PPP1R9A: variants seen among roughly 807,000 people sequenced by gnomAD.
PPP1R9A encodes neurabin-1.
PPP1R9A carries 59 observed loss-of-function variants against 141.9 expected under a neutral mutation model. That is an observed-to-expected ratio of 0.42 (90% CI 0.34 to 0.52). PPP1R9A has a LOEUF of 0.52. PPP1R9A is among the 20% of genes least tolerant of loss of function. The pLI, the probability that PPP1R9A is intolerant of heterozygous loss-of-function variation, is 0.10. For synonymous variants in PPP1R9A, 500 were observed against 569.7 expected (o/e 0.88, Z 1.74); for missense variants, 1,444 against 1,611.9 (o/e 0.90, Z 1.78).
At chr7:95,163,185 G>T (rs552123040) in intron 5 of PPP1R9A, among the ~76,000 whole-genome samples, 41 of 152,292 alleles carry the variant, frequency 2.7e-4, no homozygotes, top group Admixed American at 8.5e-4. Context: ...ACATTTCTCA[G>T]TTGGAAAAGA....
At chr7:94,926,594 A>G (rs185703800) in intron 2 of PPP1R9A, among the ~76,000 whole-genome samples, 1 of 152,184 alleles carries the variant, frequency 6.6e-6, no homozygotes, top group Non-Finnish European at 1.5e-5. Context: ...TAACTAAAAA[A>G]TTTGAATTAT....
At chr7:95,180,703 T>C (rs901972575) in intron 5 of PPP1R9A, among the ~76,000 whole-genome samples, 1 of 151,724 alleles carries the variant, frequency 6.6e-6, no homozygotes, top group Non-Finnish European at 1.5e-5. Flanking sequence ...CATCAAAAAG[T>C]GGGCTAAGGA....
chr7:95,119,720 A>G (rs887449751), intron 3 of PPP1R9A, among the ~76,000 whole-genome samples: 4 of 151,652 alleles, frequency 2.6e-5, no homozygotes, highest in Non-Finnish European at 5.9e-5. Flanking sequence ...TCCCAAAGTG[A>G]TGGGATTACA....
intron 14 of PPP1R9A, among the ~76,000 whole-genome samples, chr7:95,273,189 T>C (rs1019624266): frequency 6.6e-6 from 1 of 152,154 alleles, no homozygotes; most frequent in Non-Finnish European, 1.5e-5. Flanking sequence ...CAAAGATCAG[T>C]CTGCTCTGAA....
intron 6 of PPP1R9A, among the ~76,000 whole-genome samples, chr7:95,200,960 G>A (rs1480633322): frequency 6.6e-6 from 1 of 152,158 alleles, no homozygotes; most frequent in Non-Finnish European, 1.5e-5. Flanking sequence ...TGGACTCTTT[G>A]CAACACACTG....
At chr7:95,140,075 C>T (rs993364798) in intron 4 of PPP1R9A, among the ~76,000 whole-genome samples, 5 of 152,160 alleles carry the variant, frequency 3.3e-5, no homozygotes, top group African/African-American at 1.2e-4. Context: ...AAAGTGAACC[C>T]AGCTCTTGCT....
chr7:94,968,322 G>A (rs961949023), intron 2 of PPP1R9A, among the ~76,000 whole-genome samples: 3 of 151,928 alleles, frequency 2.0e-5, no homozygotes, highest in South Asian at 2.1e-4. Context: ...ACAGGCGCCC[G>A]CCACTACGCC....
At chr7:95,056,327 G>C (rs1305573543) in intron 2 of PPP1R9A, among the ~76,000 whole-genome samples, 1 of 152,124 alleles carries the variant, frequency 6.6e-6, no homozygotes, top group Non-Finnish European at 1.5e-5. Flanking sequence ...CAAGTTTATA[G>C]ACATAGGATT....
intron 8 of PPP1R9A, among the ~76,000 whole-genome samples, chr7:95,242,559 C>T (rs779624322): frequency 6.6e-5 from 10 of 151,732 alleles, no homozygotes; most frequent in Non-Finnish European, 1.2e-4. Context: ...TATATCGATC[C>T]GGTAATATGA....
chr7:95,190,023 C>T (rs1835266075), intron 5 of PPP1R9A, among the ~76,000 whole-genome samples: 1 of 152,122 alleles, frequency 6.6e-6, no homozygotes, highest in Non-Finnish European at 1.5e-5. Flanking sequence ...GTTTAGTAAT[C>T]AACCTTCTGA....
chr7:94,926,717 A>G (rs951380877), intron 2 of PPP1R9A, among the ~76,000 whole-genome samples: 2 of 151,460 alleles, frequency 1.3e-5, no homozygotes, highest in Non-Finnish European at 2.9e-5. Context: ...TTTTGGGGTC[A>G]TTTCTGTCCC....
intron 5 of PPP1R9A, among the ~76,000 whole-genome samples, chr7:95,170,529 G>A (rs1831946954): frequency 6.6e-6 from 1 of 151,592 alleles, no homozygotes; most frequent in South Asian, 2.1e-4. Context: ...AACCAAAGAT[G>A]AGAATACAGT....
intron 4 of PPP1R9A, among the ~76,000 whole-genome samples, chr7:95,128,212 G>A (rs1230954975): frequency 6.6e-6 from 1 of 152,152 alleles, no homozygotes; most frequent in Non-Finnish European, 1.5e-5. Flanking sequence ...CATACTGATT[G>A]GTGTGAAATA....
chr7:95,015,249 TACAC>T (rs144153873), intron 2 of PPP1R9A, among the ~76,000 whole-genome samples: 21 of 150,072 alleles, frequency 1.4e-4, no homozygotes, highest in Non-Finnish European at 1.5e-5. Context: ...CACACACACA[TACAC>T]ACACACATAC....
chr7:95,111,912 G>A (rs1820646114), intron 3 of PPP1R9A, among the ~76,000 whole-genome samples: 1 of 152,032 alleles, frequency 6.6e-6, no homozygotes, highest in Admixed American at 6.6e-5. Flanking sequence ...TCCCAGGAAT[G>A]ACACCCTGCC....
chr7:94,925,819 T>A (rs1225710375), intron 2 of PPP1R9A, among the ~76,000 whole-genome samples: 1 of 151,950 alleles, frequency 6.6e-6, no homozygotes, highest in African/African-American at 2.4e-5. Context: ...GGGATGATAT[T>A]AATATTATTA....
intron 2 of PPP1R9A, among the ~76,000 whole-genome samples, chr7:95,063,464 T>C (rs912333576): frequency 3.9e-5 from 6 of 152,026 alleles, no homozygotes; most frequent in African/African-American, 1.2e-4. Context: ...ACTTGGGAAT[T>C]TGAGACAAGA....
At chr7:95,100,844 ATTTTTTTTTT>A (rs34210406) in intron 2 of PPP1R9A, among the ~76,000 whole-genome samples, 2 of 70,164 alleles carry the variant, frequency 2.9e-5, no homozygotes, top group African/African-American at 5.6e-5. Flanking sequence ...TCTTTGTCTG[ATTTTTTTTTT>A]TTTTTTTTTT....
intron 5 of PPP1R9A, among the ~76,000 whole-genome samples, chr7:95,177,728 C>T (rs566656867): frequency 6.6e-6 from 1 of 152,070 alleles, no homozygotes; most frequent in South Asian, 2.1e-4. Context: ...AGTAGCTATT[C>T]TTACAAAAGA....
Sources: allele counts gnomAD v4.1 joint callset (sites outside exome capture counted in the v4.1 genomes callset), GRCh38; gene constraint gnomAD v4.1.1; transcripts MANE v1.5; gene names NCBI Gene and HGNC (gene_info 2026-07-23, HGNC 2026-07-21).